The following MCHR2 variants were observed in gnomAD, a reference collection of about 807,000 sequenced individuals.
MCHR2 encodes the protein melanin-concentrating hormone receptor 2.
MCHR2 carries 15 observed loss-of-function variants against 24.8 expected under a neutral mutation model. The observed-to-expected ratio is 0.60, with a 90% CI of 0.40 to 0.93. The LOEUF (loss-of-function observed/expected upper bound fraction) is 0.93. Ranked by LOEUF, MCHR2 falls within the 40% of genes least tolerant of loss-of-function variation. The pLI is 0.00. For synonymous variants in MCHR2, 151 were observed against 147.6 expected, an observed-to-expected ratio of 1.02 and a Z score of -0.17; for missense variants, 386 against 408.7, an observed-to-expected ratio of 0.94 and a Z score of 0.48.
chr6:99,977,487 C>A (rs1023770332), intron 1 of MCHR2, among the ~76,000 whole-genome samples: 1 of 152,156 alleles, frequency 6.6e-6, no homozygotes, highest in Non-Finnish European at 1.5e-5. Context: ...AGTAGGGCTG[C>A]ATCATTACTT....
chr6:99,991,174 C>T (rs1001080671), intron 1 of MCHR2, among the ~76,000 whole-genome samples: 4 of 151,896 alleles, frequency 2.6e-5, no homozygotes, highest in Non-Finnish European at 4.4e-5. Context: ...GGAGCAGAGC[C>T]GCCTATGGGG....
intron 1 of MCHR2, among the ~76,000 whole-genome samples, chr6:99,991,143 A>G (rs1387071185): frequency 6.6e-6 from 1 of 151,798 alleles, no homozygotes; most frequent in African/African-American, 2.4e-5. Context: ...GGGCATGGAG[A>G]TAAAGAGTGG....
intron 1 of MCHR2, among the ~76,000 whole-genome samples, chr6:99,965,579 T>C (rs180867815): frequency 2.0e-4 from 30 of 152,272 alleles, no homozygotes; most frequent in South Asian, 6.2e-4. Flanking sequence ...AATGAAATAC[T>C]AGTGTTTAAG....
chr6:99,927,236 C>T (rs910313164), intron 5 of MCHR2, among the ~76,000 whole-genome samples: 9 of 152,088 alleles, frequency 5.9e-5, no homozygotes, highest in East Asian at 1.9e-4. Context: ...TTGGTTACTG[C>T]AGCCTTGTAG....
At chr6:99,987,061 CTA>C (rs1352701915) in intron 1 of MCHR2, among the ~76,000 whole-genome samples, 1 of 151,468 alleles carries the variant, frequency 6.6e-6, no homozygotes. Flanking sequence ...TTCTTATACT[CTA>C]TTGTATTGTG....
At chr6:99,974,080 G>T (rs1317754107) in intron 1 of MCHR2, among the ~76,000 whole-genome samples, 3 of 152,130 alleles carry the variant, frequency 2.0e-5, no homozygotes, top group African/African-American at 4.8e-5. Context: ...GACGTTCTCT[G>T]TATTTCCTGA....
intron 3 of MCHR2, among the ~76,000 whole-genome samples, chr6:99,944,354 G>A (rs1341479271): frequency 6.6e-6 from 1 of 152,176 alleles, no homozygotes; most frequent in Non-Finnish European, 1.5e-5. Flanking sequence ...TTTGCTGGGA[G>A]CTGGGGGTGG....
At chr6:99,980,084 T>C (rs1775634791) in intron 1 of MCHR2, among the ~76,000 whole-genome samples, 2 of 151,396 alleles carry the variant, frequency 1.3e-5, no homozygotes, top group African/African-American at 4.9e-5. Flanking sequence ...AATTTGATCA[T>C]TTCAAGTTAC....
chr6:99,930,207 C>T (rs1423444285), intron 5 of MCHR2, among the ~76,000 whole-genome samples: 2 of 151,994 alleles, frequency 1.3e-5, no homozygotes, highest in African/African-American at 2.4e-5. Context: ...CCGAGAGATC[C>T]GCTGTTAGTC....
At chr6:99,936,964 T>C (rs1278524467) in intron 4 of MCHR2, among the ~76,000 whole-genome samples, 1 of 151,968 alleles carries the variant, frequency 6.6e-6, no homozygotes, top group Non-Finnish European at 1.5e-5. Context: ...TTTATATTCT[T>C]GGTAGCTATT....
chr6:99,973,761 G>C (rs1356753988), intron 1 of MCHR2, among the ~76,000 whole-genome samples: 1 of 152,120 alleles, frequency 6.6e-6, no homozygotes. Flanking sequence ...GCCTGGTGGT[G>C]ACAAAATCTC....
intron 3 of MCHR2, among the ~76,000 whole-genome samples, chr6:99,943,590 G>GT (rs1412571910): frequency 6.6e-6 from 1 of 151,582 alleles, no homozygotes; most frequent in Non-Finnish European, 1.5e-5. Flanking sequence ...GCGGTGTTTG[G>GT]TTTTTTGTCC....
chr6:99,947,479 A>G (rs1433375342), intron 3 of MCHR2, among the ~76,000 whole-genome samples: 1 of 152,042 alleles, frequency 6.6e-6, no homozygotes, highest in Non-Finnish European at 1.5e-5. Context: ...GGTTTCTAAT[A>G]TTTCCTGGTT....
chr6:99,925,461 C>T (rs571232799), intron 5 of MCHR2, among the ~76,000 whole-genome samples: 6 of 151,906 alleles, frequency 3.9e-5, no homozygotes, highest in East Asian at 3.9e-4. Flanking sequence ...GGTTGTTTTG[C>T]GTTCTCTTCC....
chr6:99,992,581 C>T (rs899227675), intron 1 of MCHR2, among the ~76,000 whole-genome samples: 1 of 152,176 alleles, frequency 6.6e-6, no homozygotes, highest in African/African-American at 2.4e-5. Context: ...GTGGCTTTTC[C>T]TTCCCTATTC....
chr6:99,936,503 A>G (rs1478008930), intron 4 of MCHR2, among the ~76,000 whole-genome samples: 1 of 151,842 alleles, frequency 6.6e-6, no homozygotes, highest in East Asian at 1.9e-4. Context: ...AGTTGGCTAT[A>G]AATGTGTGGA....
intron 1 of MCHR2, among the ~76,000 whole-genome samples, chr6:99,972,537 A>T (rs1775448643): frequency 6.6e-6 from 1 of 152,110 alleles, no homozygotes; most frequent in Non-Finnish European, 1.5e-5. Flanking sequence ...AATTTTTTGA[A>T]GGGTTTTTTG....
chr6:99,955,803 A>G (rs1775047636), intron 2 of MCHR2, among the ~76,000 whole-genome samples, 163 bp downstream of exon 2: 1 of 152,134 alleles, frequency 6.6e-6, no homozygotes. Flanking sequence ...CTAATGCATG[A>G]CGAAAATATC....
chr6:99,927,855 C>T (rs1316066345), intron 5 of MCHR2, among the ~76,000 whole-genome samples: 2 of 152,098 alleles, frequency 1.3e-5, no homozygotes, highest in Non-Finnish European at 2.9e-5. Flanking sequence ...TTGCCCTGGC[C>T]AGAACTTCCA....
Sources: allele counts gnomAD v4.1 joint callset (sites outside exome capture counted in the v4.1 genomes callset), GRCh38; gene constraint gnomAD v4.1.1; transcripts MANE v1.5; gene names NCBI Gene and HGNC (gene_info 2026-07-23, HGNC 2026-07-21).